TCF7L2: variants seen among roughly 807,000 people sequenced by gnomAD.
The protein encoded by TCF7L2 is transcription factor 7-like 2.
TCF7L2 carries 23 observed loss-of-function variants against 77.9 expected under a neutral mutation model. The ratio of observed to expected loss-of-function variants is 0.30; its 90% CI spans 0.21 to 0.42. The LOEUF (loss-of-function observed/expected upper bound fraction) is 0.42, where lower values mean the gene tolerates loss of function less well. TCF7L2 is among the 10% of genes least tolerant of loss of function. TCF7L2 has a pLI of 1.00. For missense variants in TCF7L2, 654 were observed against 793.1 expected (o/e 0.82, Z 2.11); for synonymous variants, 413 against 340.2 (o/e 1.21, Z -2.36).
chr10:113,070,318 C>T (rs1466456891), intron 5 of TCF7L2, among the ~76,000 whole-genome samples: 9 of 145,406 alleles, frequency 6.2e-5, no homozygotes, highest in South Asian at 2.2e-4. Flanking sequence ...GTTGCATTAA[C>T]GAGTGGTATA....
intron 5 of TCF7L2, among the ~76,000 whole-genome samples, chr10:113,127,773 C>T (rs58272793): frequency 6.6e-6 from 1 of 150,796 alleles, no homozygotes; most frequent in South Asian, 2.1e-4. Context: ...TTCTGAGGAG[C>T]AGTTTTTAGT....
At chr10:113,164,596 T>TTA (rs1172852310) in intron 13 of TCF7L2, among the ~76,000 whole-genome samples, 2 of 141,336 alleles carry the variant, frequency 1.4e-5, no homozygotes, top group African/African-American at 2.7e-5. Context: ...CCCCAAATCT[T>TTA]AAAAAAAAAA....
intron 4 of TCF7L2, among the ~76,000 whole-genome samples, chr10:113,015,249 C>T (rs540727981): frequency 6.6e-6 from 1 of 152,344 alleles, no homozygotes; most frequent in East Asian, 1.9e-4. Flanking sequence ...CCTCTGCTGT[C>T]TCTGCAGGAT....
chr10:113,160,593 T>G, intron 12 of TCF7L2: 1 of 1,572,678 alleles, frequency 6.4e-7, no homozygotes, highest in Non-Finnish European at 8.6e-7. Context: ...TGTGTTGTAT[T>G]TTTTGTGTTT....
intron 11 of TCF7L2, among the ~76,000 whole-genome samples, chr10:113,153,377 A>C (rs2071164110): frequency 1.3e-5 from 2 of 152,184 alleles, no homozygotes; most frequent in African/African-American, 4.8e-5. Context: ...ATCCACTCTT[A>C]GGGGAACACC....
intron 5 of TCF7L2, among the ~76,000 whole-genome samples, chr10:113,102,243 G>T (rs1408747530): frequency 2.6e-5 from 4 of 151,316 alleles, no homozygotes; most frequent in African/African-American, 9.7e-5. Flanking sequence ...CCTTGGCTTT[G>T]CCTCTGACCA....
At chr10:113,124,940 C>T (rs866969455) in intron 5 of TCF7L2, among the ~76,000 whole-genome samples, 5 of 151,958 alleles carry the variant, frequency 3.3e-5, no homozygotes, top group Non-Finnish European at 5.9e-5. Context: ...CAGAGGCTTT[C>T]GTTGAGTTGT....
intron 5 of TCF7L2, among the ~76,000 whole-genome samples, chr10:113,051,082 G>A (rs1209450143): frequency 7.9e-5 from 12 of 151,248 alleles, no homozygotes; most frequent in Admixed American, 7.3e-4. Flanking sequence ...TGTTCCACTC[G>A]GTTCTGTTGC....
intron 7 of TCF7L2, among the ~76,000 whole-genome samples, chr10:113,145,483 G>A (rs1191391544): frequency 2.6e-5 from 4 of 151,760 alleles, no homozygotes; most frequent in South Asian, 2.1e-4. Flanking sequence ...ATTCTTCTTG[G>A]GGACTCTCCC....
chr10:113,098,698 T>C (rs1249763379), intron 5 of TCF7L2, among the ~76,000 whole-genome samples: 1 of 152,180 alleles, frequency 6.6e-6, no homozygotes, highest in Admixed American at 6.5e-5. Flanking sequence ...AAAGTGAGAC[T>C]CTGTCTCAAA....
chr10:113,123,958 A>C (rs1322805476), intron 5 of TCF7L2, among the ~76,000 whole-genome samples: 1 of 152,228 alleles, frequency 6.6e-6, no homozygotes, highest in Non-Finnish European at 1.5e-5. Flanking sequence ...AGAGAGAAGA[A>C]GAAAAGTTGG....
At chr10:113,078,842 T>C (rs1241431829) in intron 5 of TCF7L2, among the ~76,000 whole-genome samples, 1 of 152,002 alleles carries the variant, frequency 6.6e-6, no homozygotes, top group African/African-American at 2.4e-5. Context: ...TTTTGTTTTT[T>C]TTTTTTCTGA....
intron 5 of TCF7L2, among the ~76,000 whole-genome samples, chr10:113,117,514 A>G (rs1210551477): frequency 6.6e-6 from 1 of 151,456 alleles, no homozygotes; most frequent in Non-Finnish European, 1.5e-5. Flanking sequence ...GGATACAATG[A>G]GATTTCTTTC....
At chr10:113,016,225 T>G (rs1057148960) in intron 4 of TCF7L2, among the ~76,000 whole-genome samples, 1 of 152,014 alleles carries the variant, frequency 6.6e-6, no homozygotes, top group Non-Finnish European at 1.5e-5. Flanking sequence ...CTACCATGCT[T>G]GGCTAGTTTT....
chr10:113,039,957 G>C (rs945513160), intron 4 of TCF7L2, 68 bp from the exon 5 acceptor site: 1 of 1,346,012 alleles, frequency 7.4e-7, no homozygotes, highest in Non-Finnish European at 1.1e-6. Context: ...TTATTTCTTG[G>C]GCTAGTTGTT....
At chr10:113,107,404 G>T (rs1249373861) in intron 5 of TCF7L2, among the ~76,000 whole-genome samples, 4 of 152,034 alleles carry the variant, frequency 2.6e-5, no homozygotes, top group African/African-American at 9.7e-5. Context: ...ACAGTCAGGG[G>T]CTGTTGACTG....
chr10:113,008,587 C>G (rs1257219648), intron 4 of TCF7L2, among the ~76,000 whole-genome samples: 1 of 152,188 alleles, frequency 6.6e-6, no homozygotes, highest in Admixed American at 6.5e-5. Flanking sequence ...ACATTTGATT[C>G]ATTTATTTAA....
intron 4 of TCF7L2, among the ~76,000 whole-genome samples, chr10:113,014,852 A>ACT (rs1473281415): frequency 1.3e-5 from 2 of 152,078 alleles, no homozygotes; most frequent in Admixed American, 6.5e-5. Flanking sequence ...TTTATGGGAG[A>ACT]CTTCAACCTT....
At chr10:112,951,641 C>CCCGCCCGCCCGCG (rs775209996) in intron 3 of TCF7L2, 34 bp downstream of exon 3, 2 of 1,048,930 alleles carry the variant, frequency 1.9e-6, no homozygotes, top group Non-Finnish European at 1.2e-6. Flanking sequence ...CCGCCCGCTG[C>CCCGCCCGCCCGCG]CCGCCCGCCC....
Sources: gnomAD v4.1 joint callset for allele counts (sites outside exome capture counted in the v4.1 genomes callset) on GRCh38, gnomAD v4.1.1 for gene constraint, MANE v1.5 for transcripts, NCBI Gene and HGNC (gene_info 2026-07-23, HGNC 2026-07-21) for gene names.